Variants in HMGXB4 observed in about 807,000 individuals in gnomAD.
The protein encoded by HMGXB4 is HMG-box containing 4, also known as HMG domain-containing protein 4.
In HMGXB4, 27 loss-of-function variants were observed where a neutral mutation model predicts 63.9. The observed-to-expected ratio is 0.42, with a 90% CI of 0.31 to 0.58. The LOEUF is 0.58. HMGXB4 is among the 20% of genes least tolerant of loss of function. HMGXB4 has a pLI of 0.13. For missense variants in HMGXB4, 624 were observed against 700.7 expected, an observed-to-expected ratio of 0.89 and a Z score of 1.24; for synonymous variants, 264 against 265.3, an observed-to-expected ratio of 0.99 and a Z score of 0.05.
At chr22:35,248,797 G>T in the HMGXB4 span, among the ~76,000 whole-genome samples, 5 of 92,102 alleles carry the variant, frequency 5.4e-5, no homozygotes, top group Admixed American at 5.4e-4. Context: ...CACTCATGAA[G>T]GATCCCCCCC....
the HMGXB4 span, among the ~76,000 whole-genome samples, chr22:35,246,865 T>C: frequency 6.6e-6 from 1 of 152,252 alleles, no homozygotes; most frequent in Non-Finnish European, 1.5e-5. Flanking sequence ...ATCCACGCCA[T>C]CTTCCTGGAA....
the HMGXB4 span, among the ~76,000 whole-genome samples, chr22:35,247,695 C>T: frequency 6.6e-6 from 1 of 151,834 alleles, no homozygotes; most frequent in Admixed American, 6.6e-5. Flanking sequence ...TTGTGCTGCC[C>T]GATGCATAAT....
At chr22:35,283,891 T>C in intron 5 of HMGXB4, 71 bp from the exon 6 acceptor site, 1 of 1,087,800 alleles carries the variant, frequency 9.2e-7, no homozygotes, top group South Asian at 1.3e-5. Context: ...ATTTTATTAC[T>C]ATGGATTCAG....
At chr22:35,243,338 C>G in the HMGXB4 span, among the ~76,000 whole-genome samples, 3 of 151,836 alleles carry the variant, frequency 2.0e-5, no homozygotes, top group African/African-American at 7.2e-5. Context: ...CCATTGCACT[C>G]CAGCCTGTGT....
chr22:35,272,698 G>A (rs1370717774), intron 5 of HMGXB4, among the ~76,000 whole-genome samples: 2 of 151,962 alleles, frequency 1.3e-5, no homozygotes, highest in Non-Finnish European at 2.9e-5. Flanking sequence ...CACTTTGGGA[G>A]GCCAAGGTGG....
chr22:35,271,004 T>C (rs1008125885), intron 5 of HMGXB4, among the ~76,000 whole-genome samples: 4 of 152,112 alleles, frequency 2.6e-5, no homozygotes, highest in Non-Finnish European at 5.9e-5. Flanking sequence ...GGCATGCACC[T>C]GTAATCCCAG....
intron 1 of HMGXB4, chr22:35,258,004 G>C (rs1410999246): frequency 1.3e-5 from 2 of 152,304 alleles, no homozygotes; most frequent in Admixed American, 6.5e-5. Context: ...GAAAGGGCTC[G>C]TGGCCGCGGC....
chr22:35,251,308 C>T, the HMGXB4 span, among the ~76,000 whole-genome samples: 2 of 152,100 alleles, frequency 1.3e-5, no homozygotes, highest in African/African-American at 4.8e-5. Context: ...ATCTCCTGAC[C>T]TCGTGATCCA....
rs1925225006 is a variant in HMGXB4 at position 35,295,726 on chromosome 22, T to G, written c.*2075T>G. On this transcript the variant is annotated 3_prime_UTR_variant, in exon 11 of 11. Transcript: ENST00000216106. The stretch of plus-strand genomic sequence containing the variant: ...TGTTTTTTAAATAAATTCTAGTGGT[T>G]TGATCCAAATCCCATTACAGTTGTA... 1 of 152,640 alleles carries G rather than the reference T, an allele frequency of 6.6e-6. No homozygotes were observed. Among genetic ancestry groups the G allele is most frequent in the Non-Finnish European group, 1.5e-5 (1 of 68,038 alleles). 9.5% of individuals were successfully genotyped at this position (152,640 alleles called of 1,614,324 possible). A position where few individuals can be genotyped will look rare whatever the true frequency, so the allele number is the denominator to read the frequency against.
At chr22:35,273,683 C>T (rs951876004) in intron 5 of HMGXB4, among the ~76,000 whole-genome samples, 2 of 152,146 alleles carry the variant, frequency 1.3e-5, no homozygotes, top group Non-Finnish European at 2.9e-5. Context: ...CTTAATATAA[C>T]CTCCCACCTT....
chr22:35,246,904 T>A, the HMGXB4 span, among the ~76,000 whole-genome samples: 6 of 152,212 alleles, frequency 3.9e-5, no homozygotes, highest in African/African-American at 1.4e-4. Context: ...TCCTTTTACA[T>A]CTTTTGTGTC....
chr22:35,264,118 C>G (rs1428050924), intron 4 of HMGXB4: 86 of 1,396,692 alleles, frequency 6.2e-5, no homozygotes, highest in Non-Finnish European at 7.9e-5. Context: ...CTTCTCCCCC[C>G]AATCATCCAC....
In HMGXB4 at chr22:35,265,117, C is replaced by T. The variant is rs775665083; in HGVS notation, c.729C>T (p.Ser243=). The T allele has an allele frequency of 6.2e-7, 1 of 1,614,100 alleles. No individual in the cohort carries two copies. Among genetic ancestry groups the T allele is most frequent in the Non-Finnish European group, 8.5e-7 (1 of 1,180,026 alleles). ...TACTCCTAGGACATGAGTTACAGAG[C>T]TTTCTGAAAACAGCCCGGAAAAAGC... The part of the protein sequence containing the change: ...GALLLGHELQ[S]FLKTARKKHK... The change falls in exon 5 of 11, where the codon AGC becomes AGT. Residue 243 remains serine, a synonymous_variant. Transcript: ENST00000216106.
At chr22:35,292,164 T>C (rs956384401) in intron 9 of HMGXB4, among the ~76,000 whole-genome samples, 1 of 152,212 alleles carries the variant, frequency 6.6e-6, no homozygotes, top group Non-Finnish European at 1.5e-5. Flanking sequence ...ATTACTGATA[T>C]TTTTTGAGTA....
intron 6 of HMGXB4, among the ~76,000 whole-genome samples, 162 bp from the exon 7 acceptor site, chr22:35,285,835 A>C (rs1010700426): frequency 4.9e-4 from 75 of 152,330 alleles, no homozygotes; most frequent in African/African-American, 1.4e-3. Flanking sequence ...TATAGAAAAA[A>C]ATCAAAGAAG....
At chr22:35,268,267 C>G (rs982354125) in intron 5 of HMGXB4, among the ~76,000 whole-genome samples, 3 of 152,178 alleles carry the variant, frequency 2.0e-5, no homozygotes, top group Non-Finnish European at 4.4e-5. Context: ...AACAACTGTT[C>G]TGATTTTTTC....
chr22:35,265,349 A>C lies in HMGXB4; in HGVS notation c.961A>C (p.Lys321Gln). The part of the protein sequence containing the change: ...DSYREIKKKK[K>Q]SKKSKKKKDK... ...TTACCGAGAAATCAAGAAGAAAAAGAAGTCAAAGAAGAGCAAAAAGAAGAA... is the reference window on the plus strand; with the variant it reads ...TTACCGAGAAATCAAGAAGAAAAAGCAGTCAAAGAAGAGCAAAAAGAAGAA... The change falls in exon 5 of 11, where the codon AAG becomes CAG. Residue 321 changes from lysine to glutamine, a missense_variant. This residue lies in a region of HMGXB4 where 472 missense variants were observed against 470.6 expected (regional missense o/e 1.00). Coordinates refer to ENST00000216106, the MANE Select transcript of HMGXB4 (RefSeq NM_001003681.3). 1.9e-6 allele frequency: 3 copies of C among 1,614,076 alleles called. No individual in the cohort carries two copies. Among genetic ancestry groups the C allele is most frequent in the Non-Finnish European group, 2.5e-6 (3 of 1,180,008 alleles).
At chr22:35,262,507 C>A in intron 2 of HMGXB4, 86 bp downstream of exon 2, 2 of 1,318,296 alleles carry the variant, frequency 1.5e-6, no homozygotes, top group African/African-American at 1.4e-5. Context: ...CAGGACTGGG[C>A]ACCACAGCCT....
chr22:35,263,324 C>A, intron 3 of HMGXB4, 98 bp downstream of exon 3: 1 of 952,960 alleles, frequency 1.0e-6, no homozygotes, highest in South Asian at 1.7e-5. Flanking sequence ...TCTCTCATGG[C>A]CCAGGCTTGA....
Sources: allele counts gnomAD v4.1 joint callset (sites outside exome capture counted in the v4.1 genomes callset), GRCh38; gene constraint gnomAD v4.1.1; regional missense constraint gnomAD v4.1.1; transcripts MANE v1.5; gene names NCBI Gene and HGNC (gene_info 2026-07-23, HGNC 2026-07-21).